The following ADGRL2 variants were observed in gnomAD, a reference collection of about 807,000 sequenced individuals.
ADGRL2 encodes the protein adhesion G protein-coupled receptor L2.
In ADGRL2, 44 loss-of-function variants were observed where a neutral mutation model predicts 157.4. That is an observed-to-expected ratio of 0.28 (90% CI 0.22 to 0.36). The LOEUF is 0.36. ADGRL2 is among the 10% of genes least tolerant of loss of function. The probability of loss-of-function intolerance (pLI) is 1.00; values close to 1 mark genes in which losing one functional copy is unlikely to be tolerated. For missense variants in ADGRL2, 1,510 were observed against 1,768.9 expected (o/e 0.85, Z 2.63); for synonymous variants, 585 against 624.7 (o/e 0.94, Z 0.95).
At chr1:81,539,293 A>G (rs2079823921) in intron 2 of ADGRL2, among the ~76,000 whole-genome samples, 1 of 152,132 alleles carries the variant, frequency 6.6e-6, no homozygotes, top group South Asian at 2.1e-4. Flanking sequence ...ACAACCAAAA[A>G]CAGCTACAAA....
At chr1:81,391,241 A>G (rs530042532) in intron 1 of ADGRL2, among the ~76,000 whole-genome samples, 11 of 152,288 alleles carry the variant, frequency 7.2e-5, no homozygotes, top group Non-Finnish European at 1.3e-4. Flanking sequence ...TAGGAGTGAC[A>G]TGTGGTTTGT....
intron 14 of ADGRL2, 45 bp from the exon 15 acceptor site, chr1:81,969,133 T>C: frequency 7.4e-7 from 1 of 1,344,624 alleles, no homozygotes; most frequent in African/African-American, 1.4e-5. Flanking sequence ...TTCTAGTTGA[T>C]GTAATGCAGG....
rs548926693 is a variant in ADGRL2 at position 81,899,008 on chromosome 1, G to A, written c.74-8009G>A. Among the ~76,000 whole-genome samples, 200 of 152,234 alleles carry A rather than the reference G, an allele frequency of 1.3e-3. 1 individual carries two copies. In the Middle Eastern group the frequency reaches 0.027, roughly 21 times the overall value. On this transcript the variant is annotated intron_variant, in intron 2 of 23. Coordinates refer to ENST00000686636, the MANE Select transcript of ADGRL2 (RefSeq NM_001366006.2). Reference sequence around the variant, plus strand: ...CATAGAGGTCCCTGATAATCAAAAAGCATGGTGCTTCCTGGGACCCTCAAA... The same window carrying A: ...CATAGAGGTCCCTGATAATCAAAAAACATGGTGCTTCCTGGGACCCTCAAA...
rs905479684 is a variant in ADGRL2, at chr1:81,970,389, G to A, written c.2809G>A (p.Val937Met). The A allele has an allele frequency of 1.3e-6, 2 of 1,587,976 alleles. No homozygotes were observed. The highest frequency in any genetic ancestry group is 1.7e-6 in the Non-Finnish European group (2 of 1,171,730). The change falls in exon 16 of 24, where the codon GTG becomes ATG. Residue 937 changes from valine to methionine, a missense_variant. Around this residue, in one of 4 missense-constraint regions of ADGRL2, gnomAD observed 497 missense variants for 627.2 expected, o/e 0.79. Transcript: ENST00000686636. ...AAFAWMCLEG[V>M]QLYLMLVEVF... is the part of the protein sequence containing the mutation. ...TTTTGCTTGGATGTGCCTAGAAGGT[G>A]TGCAGCTCTACCTAATGTTAGTTGA... is the stretch of plus-strand genomic sequence containing the variant.
rs539740367 is a variant in ADGRL2, at chr1:81,841,946, G to A, written c.73+4889G>A. Reference sequence around the variant, plus strand: ...GAGGCATTGGGATGAGCGATAGTTGGATGGTTGCATGTGTGTTAGGAAATT... The same window carrying A: ...GAGGCATTGGGATGAGCGATAGTTGAATGGTTGCATGTGTGTTAGGAAATT... On this transcript the variant is annotated intron_variant, in intron 2 of 23. Coordinates refer to ENST00000686636, the MANE Select transcript of ADGRL2 (RefSeq NM_001366006.2). Among the ~76,000 whole-genome samples, 371 of 152,268 alleles carry A rather than the reference G, an allele frequency of 2.4e-3. 2 individuals are homozygous for A. The highest frequency in any genetic ancestry group is 4.4e-3 in the South Asian group (21 of 4,822).
chr1:81,985,483 A>C, intron 21 of ADGRL2, 128 bp downstream of exon 21: 1 of 532,546 alleles, frequency 1.9e-6, no homozygotes, highest in Non-Finnish European at 3.4e-6. Context: ...GAAGGTAATT[A>C]TTGAAAATAT....
intron 3 of ADGRL2, among the ~76,000 whole-genome samples, chr1:81,643,843 T>G (rs2082266466): frequency 6.6e-6 from 1 of 152,208 alleles, no homozygotes; most frequent in Admixed American, 6.5e-5. Flanking sequence ...TCTATAGATT[T>G]AAAGCAATCT....
At chr1:81,732,960 C>T (rs1451647934) in intron 1 of ADGRL2, among the ~76,000 whole-genome samples, 15 of 152,112 alleles carry the variant, frequency 9.9e-5, no homozygotes. Flanking sequence ...AATCTAAATC[C>T]TCTATGCCTT....
chr1:81,597,655 C>A lies in ADGRL2; in HGVS notation c.-143+16675C>A, dbSNP rs189443299. Among the ~76,000 whole-genome samples the A allele has an allele frequency of 3.1e-3, 473 of 152,238 alleles. 1 individual carries two copies. Among genetic ancestry groups the A allele is most frequent in the Non-Finnish European group, 5.7e-3 (385 of 68,016 alleles). ...TAAGACAAAGATTCAAATGCAAATCCCATTGTTCCTCAACTTACAATGGGG... is the reference window on the plus strand; with the variant it reads ...TAAGACAAAGATTCAAATGCAAATCACATTGTTCCTCAACTTACAATGGGG... On this transcript the variant is annotated intron_variant, in intron 3 of 24. Coordinates refer to the ADGRL2 transcript ENST00000370721.
intron 17 of ADGRL2, among the ~76,000 whole-genome samples, chr1:81,977,114 AT>A (rs1660391914): frequency 1.3e-5 from 2 of 151,876 alleles, no homozygotes; most frequent in Admixed American, 6.6e-5. Context: ...GCCCTGAAAT[AT>A]AGTATCTAAG....
chr1:81,380,241 T>C (rs1242637679), intron 1 of ADGRL2, among the ~76,000 whole-genome samples: 1 of 152,252 alleles, frequency 6.6e-6, no homozygotes, highest in African/African-American at 2.4e-5. Flanking sequence ...TATTTCCTCT[T>C]TTGTGAATTT....
intron 1 of ADGRL2, among the ~76,000 whole-genome samples, chr1:81,377,387 C>T (rs969177591): frequency 6.6e-6 from 1 of 152,070 alleles, no homozygotes; most frequent in Non-Finnish European, 1.5e-5. Flanking sequence ...CTATCATGAT[C>T]ATTATTACCC....
At chr1:81,682,828 T>G (rs1280416425) in intron 3 of ADGRL2, among the ~76,000 whole-genome samples, 1 of 152,170 alleles carries the variant, frequency 6.6e-6, no homozygotes, top group Non-Finnish European at 1.5e-5. Flanking sequence ...CTTTAGAATG[T>G]TCGTGAAAAA....
At chr1:81,607,187 A>G (rs772055837) in intron 3 of ADGRL2, among the ~76,000 whole-genome samples, 12 of 152,174 alleles carry the variant, frequency 7.9e-5, no homozygotes, top group Non-Finnish European at 1.3e-4. Context: ...AGAATTAATG[A>G]TTATGCTGAT....
At chr1:81,455,728 C>T (rs12134922) in intron 2 of ADGRL2, among the ~76,000 whole-genome samples, 6,507 of 152,234 alleles carry the variant, frequency 0.043, 155 homozygotes, top group Middle Eastern at 0.075. Context: ...CAAAGAACTA[C>T]ACATATATGC....
chr1:81,733,148 T>C (rs2084781115), intron 1 of ADGRL2, among the ~76,000 whole-genome samples: 1 of 152,214 alleles, frequency 6.6e-6, no homozygotes, highest in African/African-American at 2.4e-5. Context: ...TGAGCTCCCT[T>C]GACATTGTAA....
intron 1 of ADGRL2, among the ~76,000 whole-genome samples, chr1:81,710,854 T>C (rs2083904901): frequency 6.6e-6 from 1 of 151,554 alleles, no homozygotes; most frequent in African/African-American, 2.4e-5. Flanking sequence ...TGACAAATAG[T>C]TTATTAAAGG....
chr1:81,851,450 A>G (rs538810215), intron 2 of ADGRL2, among the ~76,000 whole-genome samples: 1 of 151,902 alleles, frequency 6.6e-6, no homozygotes, highest in East Asian at 1.9e-4. Context: ...AATTCTTGTG[A>G]TCTTGTCTTG....
chr1:81,493,879 G>A (rs1042890253), intron 2 of ADGRL2, among the ~76,000 whole-genome samples: 6 of 151,984 alleles, frequency 3.9e-5, no homozygotes, highest in Non-Finnish European at 8.8e-5. Context: ...TTGGGGAGAG[G>A]GCTTATTAAT....
Sources: gnomAD v4.1 joint callset for allele counts (sites outside exome capture counted in the v4.1 genomes callset) on GRCh38, gnomAD v4.1.1 for gene constraint, gnomAD v4.1.1 regional missense constraint, MANE v1.5 for transcripts, NCBI Gene and HGNC (gene_info 2026-07-23, HGNC 2026-07-21) for gene names.